Variants in AGAP1 observed in about 807,000 individuals in gnomAD.
AGAP1 encodes arf-GAP with GTPase, ANK repeat and PH domain-containing protein 1.
A neutral mutation model predicts 105.3 loss-of-function variants in AGAP1; 29 were observed. That is an observed-to-expected ratio of 0.28 (90% CI 0.21 to 0.38). The LOEUF is 0.38. Ranked by LOEUF, AGAP1 falls within the 10% of genes least tolerant of loss-of-function variation. AGAP1 has a pLI of 1.00. For missense variants in AGAP1, 998 were observed against 1,165.1 expected (o/e 0.86, Z 2.09); for synonymous variants, 509 against 485.9 (o/e 1.05, Z -0.63).
rs943762864 is a variant in AGAP1, at chr2:236,120,664, A to G, written c.2370+217A>G. ...CTTGCTAGAGTTTCTGAAAATTGCA[A>G]CTTTGTGATTGCCCCTTATCAAGCA... On this transcript the variant is annotated intron_variant, in intron 17 of 17. Coordinates refer to ENST00000304032, the MANE Select transcript of AGAP1 (RefSeq NM_001037131.3). The surrounding 1 kb of genome is among the most constrained non-coding windows in gnomAD (Gnocchi z 6.0). Among the ~76,000 whole-genome samples the G allele has an allele frequency of 6.6e-6, 1 of 152,180 alleles. No homozygotes were observed. The highest frequency in any genetic ancestry group is 6.5e-5 in the Admixed American group (1 of 15,280).
intron 16 of AGAP1, among the ~76,000 whole-genome samples, chr2:236,068,178 G>A (rs543347359): frequency 2.0e-5 from 3 of 152,272 alleles, no homozygotes; most frequent in South Asian, 2.1e-4. Flanking sequence ...GGCTGAGGCA[G>A]GAGAATTGCT....
rs1457949715 is a variant in AGAP1, at chr2:235,936,473, T to C, written c.1483+5550T>C. 6.6e-6 allele frequency among the ~76,000 whole-genome samples: 1 copy of C among 152,198 alleles called. No individual in the cohort carries two copies. Among genetic ancestry groups the C allele is most frequent in the East Asian group, 1.9e-4 (1 of 5,202 alleles). On this transcript the variant is annotated intron_variant, in intron 12 of 17. Coordinates refer to ENST00000304032, the MANE Select transcript of AGAP1 (RefSeq NM_001037131.3). This position sits in a 1 kb window ranked among gnomAD's most constrained non-coding sequence, Gnocchi z 4.7. ...TTATAAAAATGTTTTGCACGTCGAT[T>C]TTGATGATGGGGGTTCGAAACATGA...
chr2:236,000,894 G>A lies in AGAP1; in HGVS notation c.1645+32271G>A, dbSNP rs1349379243. Among the ~76,000 whole-genome samples the A allele has an allele frequency of 6.6e-6, 1 of 152,164 alleles. No homozygotes were observed. Among genetic ancestry groups the A allele is most frequent in the East Asian group, 1.9e-4 (1 of 5,162 alleles). ...AAAGGGCCTGTGTGGAAGGAACCAG[G>A]GCCAAGCGAGGGAGGCAGATGCCGC... On this transcript the variant is annotated intron_variant, in intron 13 of 17. Transcript: ENST00000304032. This position sits in a 1 kb window ranked among gnomAD's most constrained non-coding sequence, Gnocchi z 4.3.
chr2:235,717,257 AAC>A, intron 2 of AGAP1, among the ~76,000 whole-genome samples: 2 of 152,332 alleles, frequency 1.3e-5, no homozygotes, highest in East Asian at 3.9e-4. Flanking sequence ...TAACTCAAGG[AAC>A]ACAGCCCTGA....
chr2:236,118,440 A>G (rs1345821700), intron 16 of AGAP1, among the ~76,000 whole-genome samples: 1 of 130,310 alleles, frequency 7.7e-6, no homozygotes, highest in East Asian at 2.2e-4. Flanking sequence ...CCCAGGCTGG[A>G]GTGCAGTGGC....
At chr2:236,023,142 C>T (rs533069613) in intron 13 of AGAP1, among the ~76,000 whole-genome samples, 5 of 152,294 alleles carry the variant, frequency 3.3e-5, no homozygotes, top group East Asian at 3.9e-4. Context: ...GAGTATATTC[C>T]GTCTGAGTTT....
chr2:235,731,412 A>G (rs561626232), intron 3 of AGAP1, among the ~76,000 whole-genome samples: 1 of 152,340 alleles, frequency 6.6e-6, no homozygotes, highest in South Asian at 2.1e-4. Flanking sequence ...CCATTTGAGA[A>G]GCACTTGTCC....
chr2:235,908,785 C>G lies in AGAP1; in HGVS notation c.1203C>G (p.Thr401=), dbSNP rs769793716. 2.8e-5 allele frequency: 45 copies of G among 1,613,560 alleles called. 1 individual carries two copies. The South Asian group carries it at 4.9e-4, about 18-fold the overall frequency. Residue 401 remains threonine, a synonymous_variant, in exon 11 of 18, where the codon ACC becomes ACG. Transcript: ENST00000304032. The surrounding 1 kb of genome is among the most constrained non-coding windows in gnomAD (Gnocchi z 4.4). ...GTAAGGAGATTGACCTTCTGAGAAC[C>G]ACTGTGAAAGTCCCAGGGAAGAGGC... is the stretch of plus-strand genomic sequence containing the variant. ...VHGKEIDLLR[T]TVKVPGKRPP...
At position 235,610,032 on chromosome 2, in the gene AGAP1, C is replaced by A. The variant is rs368289933; in HGVS notation, c.164-99147C>A. 1.3e-5 allele frequency among the ~76,000 whole-genome samples: 2 copies of A among 152,112 alleles called. No individual in the cohort carries two copies. Among genetic ancestry groups the A allele is most frequent in the African/African-American group, 4.8e-5 (2 of 41,416 alleles). On this transcript the variant is annotated intron_variant, in intron 1 of 17. Transcript: ENST00000304032. This position sits in a 1 kb window ranked among gnomAD's most constrained non-coding sequence, Gnocchi z 4.9. ...CTAGGGTAGGATAATGGTAAAGTTG[C>A]CAGCAGCAATGCTTTTCCTGCATTT...
rs558343444 is a variant in AGAP1, at chr2:235,904,153, A to G, written c.1156-4585A>G. On this transcript the variant is annotated intron_variant, in intron 10 of 17. Coordinates refer to ENST00000304032, the MANE Select transcript of AGAP1 (RefSeq NM_001037131.3). This position sits in a 1 kb window ranked among gnomAD's most constrained non-coding sequence, Gnocchi z 4.2. ...AATCATAGCTCTTAATTGCTTGACT[A>G]TGTGAAAAGAAATCACATTAATGCA... Among the ~76,000 whole-genome samples the G allele has an allele frequency of 1.1e-4, 17 of 152,342 alleles. No individual in the cohort carries two copies. The highest frequency in any genetic ancestry group is 2.1e-4 in the Non-Finnish European group (14 of 68,034).
intron 12 of AGAP1, among the ~76,000 whole-genome samples, chr2:235,941,226 G>C (rs2053242925): frequency 1.3e-5 from 2 of 152,148 alleles, no homozygotes; most frequent in Non-Finnish European, 2.9e-5. Flanking sequence ...GTTGAAACTG[G>C]TTTTCCTCCC....
At chr2:235,668,220 C>T (rs1017626803) in intron 1 of AGAP1, among the ~76,000 whole-genome samples, 1 of 152,176 alleles carries the variant, frequency 6.6e-6, no homozygotes, top group African/African-American at 2.4e-5. Flanking sequence ...AGCAGTCACT[C>T]TGACTTATTT....
intron 1 of AGAP1, among the ~76,000 whole-genome samples, chr2:235,697,527 G>A (rs907235626): frequency 6.6e-6 from 1 of 152,158 alleles, no homozygotes; most frequent in African/African-American, 2.4e-5. Flanking sequence ...CCTGTGCCTG[G>A]GAGGGGTGAC....
rs550320636 is a variant in AGAP1 at position 235,842,978 on chromosome 2, C to T, written c.1050+35647C>T. Among the ~76,000 whole-genome samples, 3 of 152,336 alleles carry T rather than the reference C, an allele frequency of 2.0e-5. No individual in the cohort carries two copies. Among genetic ancestry groups the T allele is most frequent in the South Asian group, 2.1e-4 (1 of 4,828 alleles). ...CTGACCTCAGGTGATCGGCCCGCCTCGGCCTCCCAAAGTGCTGGAGTTACA... is the reference window on the plus strand; with the variant it reads ...CTGACCTCAGGTGATCGGCCCGCCTTGGCCTCCCAAAGTGCTGGAGTTACA... On this transcript the variant is annotated intron_variant, in intron 9 of 17. Transcript: ENST00000304032. This position sits in a 1 kb window ranked among gnomAD's most constrained non-coding sequence, Gnocchi z 5.3.
At chr2:235,975,722 C>G (rs148708819) in intron 13 of AGAP1, among the ~76,000 whole-genome samples, 130 of 152,278 alleles carry the variant, frequency 8.5e-4, no homozygotes, top group Non-Finnish European at 1.7e-3. Flanking sequence ...TCCAGTTGCA[C>G]AAGTGTTACT....
At chr2:235,540,135 C>T (rs1197066633) in intron 1 of AGAP1, among the ~76,000 whole-genome samples, 3 of 151,064 alleles carry the variant, frequency 2.0e-5, no homozygotes, top group Non-Finnish European at 4.4e-5. Flanking sequence ...TTTTCTCTCC[C>T]TCCCTCTCTC....
chr2:235,620,275 G>A lies in AGAP1; in HGVS notation c.164-88904G>A, dbSNP rs983911108. On this transcript the variant is annotated intron_variant, in intron 1 of 17. Coordinates refer to ENST00000304032, the MANE Select transcript of AGAP1 (RefSeq NM_001037131.3). The surrounding 1 kb of genome is among the most constrained non-coding windows in gnomAD (Gnocchi z 4.5). ...CACCCTGGTCCCGGGCAGCAGCGTTGCTTGGCGGATTACTGCTCACCTCTT... is the reference window on the plus strand; with the variant it reads ...CACCCTGGTCCCGGGCAGCAGCGTTACTTGGCGGATTACTGCTCACCTCTT... Among the ~76,000 whole-genome samples the A allele has an allele frequency of 1.3e-5, 2 of 152,166 alleles. No homozygotes were observed. The highest frequency in any genetic ancestry group is 2.9e-5 in the Non-Finnish European group (2 of 68,034).
intron 3 of AGAP1, among the ~76,000 whole-genome samples, chr2:235,718,969 C>T (rs759161469): frequency 1.6e-4 from 25 of 152,186 alleles, no homozygotes; most frequent in Non-Finnish European, 3.1e-4. Context: ...ATTTTAGCCA[C>T]GGCCAGCTGG....
At position 235,978,372 on chromosome 2, in the gene AGAP1, G is replaced by C. The variant is rs187606654; in HGVS notation, c.1645+9749G>C. Among the ~76,000 whole-genome samples, 789 of 152,256 alleles carry C rather than the reference G, an allele frequency of 5.2e-3. 3 individuals are homozygous for C. The highest frequency in any genetic ancestry group is 6.9e-3 in the Non-Finnish European group (466 of 68,018). ...GAAACTGCTTGGACAGATCACAGCTGTCCTTTCCCCTTCACTCTTCCCTCC... is the reference window on the plus strand; with the variant it reads ...GAAACTGCTTGGACAGATCACAGCTCTCCTTTCCCCTTCACTCTTCCCTCC... On this transcript the variant is annotated intron_variant, in intron 13 of 17. Transcript: ENST00000304032.
Sources: gnomAD v4.1 joint callset for allele counts (sites outside exome capture counted in the v4.1 genomes callset) on GRCh38, gnomAD v4.1.1 for gene constraint, Gnocchi (gnomAD v3.1) non-coding constraint, MANE v1.5 for transcripts, NCBI Gene and HGNC (gene_info 2026-07-23, HGNC 2026-07-21) for gene names.